The following INSYN2B variants were observed in gnomAD, a reference collection of about 807,000 sequenced individuals.
INSYN2B encodes the protein protein INSYN2B.
In INSYN2B, 16 loss-of-function variants were observed where a neutral mutation model predicts 41.2. The ratio of observed to expected loss-of-function variants is 0.39; its 90% confidence interval spans 0.26 to 0.59. The LOEUF is 0.59. Ranked by LOEUF, INSYN2B falls within the 20% of genes least tolerant of loss-of-function variation. The pLI is 0.57. For synonymous variants in INSYN2B, 245 were observed against 244.4 expected, an observed-to-expected ratio of 1.00 and a Z score of -0.02; for missense variants, 608 against 646.4, an observed-to-expected ratio of 0.94 and a Z score of 0.64.
At chr5:169,915,566 AC>A (rs1200137991) in intron 1 of INSYN2B, among the ~76,000 whole-genome samples, 1 of 138,488 alleles carries the variant, frequency 7.2e-6, no homozygotes, top group Non-Finnish European at 1.6e-5. Context: ...GAACACACAC[AC>A]ACACACACAC....
intron 1 of INSYN2B, among the ~76,000 whole-genome samples, chr5:169,928,038 A>G (rs1200425102): frequency 6.6e-6 from 1 of 152,170 alleles, no homozygotes; most frequent in East Asian, 1.9e-4. Context: ...TTTTTCTTAA[A>G]CAGGTGGTAG....
At position 169,883,457 on chromosome 5, in the gene INSYN2B, G is replaced by C. The variant is rs1772786776; in HGVS notation, c.442C>G (p.Leu148Val). 6.4e-7 allele frequency: 1 copy of C among 1,551,528 alleles called. No individual in the cohort carries two copies. The highest frequency in any genetic ancestry group is 8.7e-7 in the Non-Finnish European group (1 of 1,146,980). Residue 148 changes from leucine to valine, a missense_variant, in exon 2 of 4, where the codon CTT becomes GTT. Coordinates refer to ENST00000377365, the MANE Select transcript of INSYN2B (RefSeq NM_001129891.3). ...LSEQDIVSSD[L>V]AYLRLAQHLE... ...TGCTGAGCCAACCTTAAGTAGGCAA[G>C]GTCAGAAGACACAATGTCCTGTTCA... is the stretch of plus-strand genomic sequence containing the variant.
At chr5:169,881,270 G>A (rs1300147970) in intron 3 of INSYN2B, 98 bp downstream of exon 3, 2 of 946,632 alleles carry the variant, frequency 2.1e-6, no homozygotes, top group African/African-American at 3.3e-5. Flanking sequence ...CCTTGTTTTT[G>A]CCTCTCTTGA....
At chr5:169,936,578 C>CTT (rs4041977) in intron 1 of INSYN2B, among the ~76,000 whole-genome samples, 5,305 of 122,772 alleles carry the variant, frequency 0.043, 296 homozygotes, top group African/African-American at 0.12. Context: ...TCTCAGACTC[C>CTT]TTTTTTTTTT....
intron 1 of INSYN2B, among the ~76,000 whole-genome samples, chr5:169,957,042 G>A (rs1776897906): frequency 6.6e-6 from 1 of 151,914 alleles, no homozygotes; most frequent in South Asian, 2.1e-4. Flanking sequence ...GGGCTTACTA[G>A]ATGTTGAGTA....
At chr5:169,878,147 A>T (rs1772435677) in intron 3 of INSYN2B, among the ~76,000 whole-genome samples, 1 of 152,144 alleles carries the variant, frequency 6.6e-6, no homozygotes, top group African/African-American at 2.4e-5. Context: ...ATGACTGGAA[A>T]AGTAGAGAAG....
intron 1 of INSYN2B, among the ~76,000 whole-genome samples, chr5:169,923,536 A>G (rs1775287703): frequency 6.6e-6 from 1 of 152,198 alleles, no homozygotes; most frequent in Admixed American, 6.5e-5. Flanking sequence ...ATTTTGAGCC[A>G]GAAATTTATC....
At chr5:169,903,154 G>A (rs1192732495) in intron 1 of INSYN2B, among the ~76,000 whole-genome samples, 6 of 151,828 alleles carry the variant, frequency 4.0e-5, no homozygotes, top group South Asian at 4.2e-4. Context: ...GTGCATATCT[G>A]TAGTCTCAGC....
chr5:169,930,111 C>G (rs1775674162), intron 1 of INSYN2B, among the ~76,000 whole-genome samples: 1 of 152,188 alleles, frequency 6.6e-6, no homozygotes, highest in African/African-American at 2.4e-5. Flanking sequence ...CTGCCTCAGC[C>G]TCCCGAGTAG....
At chr5:169,899,180 G>A (rs1439073774) in intron 1 of INSYN2B, among the ~76,000 whole-genome samples, 7 of 152,212 alleles carry the variant, frequency 4.6e-5, no homozygotes, top group African/African-American at 1.7e-4. Flanking sequence ...GCAAAGAGGA[G>A]AATGATGACA....
intron 1 of INSYN2B, among the ~76,000 whole-genome samples, chr5:169,970,330 A>G (rs1175264914): frequency 6.6e-6 from 1 of 152,254 alleles, no homozygotes; most frequent in East Asian, 1.9e-4. Flanking sequence ...TTTGGTCAGA[A>G]AAGTAAAGAA....
intron 1 of INSYN2B, among the ~76,000 whole-genome samples, chr5:169,979,207 G>C (rs1181685046): frequency 6.6e-6 from 1 of 152,138 alleles, no homozygotes; most frequent in Non-Finnish European, 1.5e-5. Context: ...GACAGGGCTG[G>C]GAGTTCGAGC....
intron 1 of INSYN2B, among the ~76,000 whole-genome samples, chr5:169,965,098 C>A (rs904734843): frequency 6.6e-6 from 1 of 152,200 alleles, no homozygotes; most frequent in Non-Finnish European, 1.5e-5. Flanking sequence ...TCATCCATTG[C>A]TGCACATAGT....
chr5:169,871,120 C>T (rs1771940873), intron 3 of INSYN2B, among the ~76,000 whole-genome samples: 1 of 152,280 alleles, frequency 6.6e-6, no homozygotes, highest in East Asian at 1.9e-4. Context: ...AGTTCATGAC[C>T]TAATCACCTT....
At chr5:169,908,754 G>A (rs1314954545) in intron 1 of INSYN2B, among the ~76,000 whole-genome samples, 9 of 125,458 alleles carry the variant, frequency 7.2e-5, no homozygotes, top group African/African-American at 1.9e-4. Flanking sequence ...TCACTCTGTC[G>A]CCCAGGATAG....
chr5:169,960,674 A>G (rs761765695), intron 1 of INSYN2B, among the ~76,000 whole-genome samples: 1 of 152,202 alleles, frequency 6.6e-6, no homozygotes, highest in Non-Finnish European at 1.5e-5. Context: ...TCGGGTCTCT[A>G]TATTGTTGTC....
At chr5:169,905,478 T>C (rs1156533187) in intron 1 of INSYN2B, among the ~76,000 whole-genome samples, 1 of 152,188 alleles carries the variant, frequency 6.6e-6, no homozygotes, top group African/African-American at 2.4e-5. Flanking sequence ...GGGTCCTCAG[T>C]ATAAATAGCT....
chr5:169,913,139 C>T (rs1186188938), intron 1 of INSYN2B, among the ~76,000 whole-genome samples: 2 of 152,172 alleles, frequency 1.3e-5, no homozygotes, highest in Non-Finnish European at 2.9e-5. Flanking sequence ...CAGGCACAAA[C>T]ATTTAAAGGA....
chr5:169,902,831 GGC>G (rs1186275216), intron 1 of INSYN2B, among the ~76,000 whole-genome samples: 1 of 152,206 alleles, frequency 6.6e-6, no homozygotes, highest in Non-Finnish European at 1.5e-5. Context: ...CAGGCGTGGT[GGC>G]TCACGCCTGT....
Sources: gnomAD v4.1 joint callset for allele counts (sites outside exome capture counted in the v4.1 genomes callset) on GRCh38, gnomAD v4.1.1 for gene constraint, MANE v1.5 for transcripts, NCBI Gene and HGNC (gene_info 2026-07-23, HGNC 2026-07-21) for gene names.